SOX6: variants seen among roughly 807,000 people sequenced by gnomAD.
The protein encoded by SOX6 is SRY-box transcription factor 6, also known as transcription factor SOX-6.
In SOX6, 11 loss-of-function variants were observed where a neutral mutation model predicts 97.8. That is an observed-to-expected ratio of 0.11 (90% CI 0.07 to 0.19). The LOEUF (loss-of-function observed/expected upper bound fraction) is 0.19. Among genes scored for constraint, SOX6 ranks in the 10% least tolerant of loss-of-function variants. The pLI, the probability that SOX6 is intolerant of heterozygous loss-of-function variation, is 1.00. For synonymous variants in SOX6, 360 were observed against 371.4 expected, an observed-to-expected ratio of 0.97 and a Z score of 0.35; for missense variants, 810 against 1,039.5, an observed-to-expected ratio of 0.78 and a Z score of 3.04.
At chr11:16,340,521 T>C (rs571929615) in intron 2 of SOX6, among the ~76,000 whole-genome samples, 14 of 152,186 alleles carry the variant, frequency 9.2e-5, no homozygotes, top group African/African-American at 2.9e-4. Flanking sequence ...AATTAATATA[T>C]AAGCACATAA....
At chr11:16,442,976 A>C (rs1349796331) in intron 1 of SOX6, among the ~76,000 whole-genome samples, 1 of 152,108 alleles carries the variant, frequency 6.6e-6, no homozygotes, top group Non-Finnish European at 1.5e-5. Context: ...TTTTCAGCCC[A>C]ATCCTTTCCC....
chr11:16,538,329 T>C (rs1447512048), intron 4 of SOX6, among the ~76,000 whole-genome samples: 1 of 152,182 alleles, frequency 6.6e-6, no homozygotes, highest in African/African-American at 2.4e-5. Flanking sequence ...AAGGAAGCAC[T>C]AAACATGGAA....
intron 6 of SOX6, among the ~76,000 whole-genome samples, chr11:16,139,250 T>C (rs577054678): frequency 3.3e-5 from 5 of 152,306 alleles, no homozygotes; most frequent in African/African-American, 1.2e-4. Context: ...TTTGAGACTA[T>C]GTGAATGTAT....
intron 1 of SOX6, chr11:16,434,098 T>C (rs900791781): frequency 6.6e-6 from 1 of 152,078 alleles, no homozygotes; most frequent in Non-Finnish European, 1.5e-5. Flanking sequence ...ATTATAAATA[T>C]TAATTATATT....
chr11:16,341,200 C>G lies in SOX6; in HGVS notation c.49G>C (p.Glu17Gln), dbSNP rs1318938500. ...TSPFACAADG[E>Q]DAMTQDLTSR... ...GTTAAATCCTGGGTCATTGCATCCTCTCCATCAGCTGCACAGGCAAATGGA... is the reference window on the plus strand; with the variant it reads ...GTTAAATCCTGGGTCATTGCATCCTGTCCATCAGCTGCACAGGCAAATGGA... The change falls in exon 2 of 16, where the codon GAG becomes CAG. Residue 17 changes from glutamate (E) to glutamine (Q), a missense_variant. Transcript: ENST00000683767. 2 of 1,613,348 alleles carry G rather than the reference C, an allele frequency of 1.2e-6. No homozygotes were observed. Among genetic ancestry groups the G allele is most frequent in the African/African-American group, 2.7e-5 (2 of 74,854 alleles).
chr11:16,438,304 T>A (rs1016564249), intron 1 of SOX6, among the ~76,000 whole-genome samples: 2 of 152,136 alleles, frequency 1.3e-5, no homozygotes, highest in African/African-American at 4.8e-5. Flanking sequence ...AAGAGATTTT[T>A]AAAAATTAAA....
chr11:16,088,559 T>G (rs1399258516), intron 9 of SOX6, among the ~76,000 whole-genome samples: 1 of 152,206 alleles, frequency 6.6e-6, no homozygotes, highest in Non-Finnish European at 1.5e-5. Context: ...TCATGTAGTA[T>G]GCTGCCTTTT....
intron 4 of SOX6, among the ~76,000 whole-genome samples, chr11:16,553,800 C>T (rs1169713651): frequency 2.6e-5 from 4 of 152,072 alleles, no homozygotes; most frequent in Admixed American, 2.0e-4. Context: ...TGAGTTTCAT[C>T]ACTGAATTAT....
chr11:16,281,142 C>T (rs779119959), intron 3 of SOX6, among the ~76,000 whole-genome samples: 1 of 152,020 alleles, frequency 6.6e-6, no homozygotes. Flanking sequence ...TTCCAAGTAT[C>T]AGAAGTAAAG....
At chr11:16,713,703 C>G (rs1340863803) in intron 3 of SOX6, among the ~76,000 whole-genome samples, 2 of 152,122 alleles carry the variant, frequency 1.3e-5, no homozygotes, top group Non-Finnish European at 2.9e-5. Context: ...TGCCTACTTT[C>G]AGAATTCAGT....
rs369031240 is a variant in SOX6 at position 16,234,567 on chromosome 11, T to C, written c.535+15A>G. 7 of 1,427,466 alleles carry C rather than the reference T, an allele frequency of 4.9e-6. No individual in the cohort carries two copies. The African/African-American group carries it at 8.4e-5, about 17-fold the overall frequency. The allele number at this position is 1,427,466 out of a possible 1,614,324, so 88.4% of individuals were successfully genotyped here. A position where few individuals can be genotyped will look rare whatever the true frequency, so the allele number is the denominator to read the frequency against. Reference sequence around the variant, plus strand: ...CATCACTGCATTGACATGTTCGATATATTTTATGTTGTACCTTTAATTTCT... The same window carrying C: ...CATCACTGCATTGACATGTTCGATACATTTTATGTTGTACCTTTAATTTCT... On this transcript the variant is annotated intron_variant, in intron 4 of 15. Transcript: ENST00000683767.
rs1361065336 is a variant in SOX6, at chr11:16,560,544, T to C, written n.609+51537A>G. 1.8e-3 allele frequency among the ~76,000 whole-genome samples: 157 copies of C among 85,502 alleles called. 43 individuals carry two copies. The highest frequency in any genetic ancestry group is 4.7e-3 in the South Asian group (10 of 2,118). The allele number at this position is 85,502 out of a possible 152,430, so 56.1% of individuals were successfully genotyped here. On this transcript the variant is annotated intron_variant and non_coding_transcript_variant, in intron 4 of 5. Transcript: ENST00000524520. ...TTATACGTACATATATGTTTATACG[T>C]ACATATGTTTATACGTACATATATG...
At chr11:16,172,732 A>G (rs1316403738) in intron 6 of SOX6, among the ~76,000 whole-genome samples, 1 of 152,032 alleles carries the variant, frequency 6.6e-6, no homozygotes, top group Non-Finnish European at 1.5e-5. Context: ...ATCCTGAACA[A>G]TAATCCTTCT....
intron 1 of SOX6, among the ~76,000 whole-genome samples, chr11:16,434,703 ATAAG>A (rs1406170541): frequency 2.0e-5 from 3 of 152,284 alleles, no homozygotes; most frequent in African/African-American, 7.2e-5. Context: ...TACGTTGTTC[ATAAG>A]TAAGTGCTCA....
intron 3 of SOX6, among the ~76,000 whole-genome samples, chr11:16,700,945 T>C (rs1423436541): frequency 6.6e-6 from 1 of 152,192 alleles, no homozygotes; most frequent in Non-Finnish European, 1.5e-5. Context: ...TATCAATCCC[T>C]AGGTCCTAGT....
chr11:16,015,627 T>C (rs1022487837), intron 12 of SOX6, among the ~76,000 whole-genome samples: 6 of 152,018 alleles, frequency 3.9e-5, no homozygotes, highest in African/African-American at 1.4e-4. Flanking sequence ...TAGCCAGCCA[T>C]GGAGCCAGGA....
At chr11:16,197,113 C>A (rs939802530) in intron 4 of SOX6, among the ~76,000 whole-genome samples, 1 of 152,050 alleles carries the variant, frequency 6.6e-6, no homozygotes, top group East Asian at 1.9e-4. Flanking sequence ...GGATTACAGG[C>A]GGGAGCCACC....
At chr11:16,368,551 T>A (rs1186467887) in intron 1 of SOX6, among the ~76,000 whole-genome samples, 1 of 152,142 alleles carries the variant, frequency 6.6e-6, no homozygotes, top group Non-Finnish European at 1.5e-5. Context: ...AAACTGTATA[T>A]CTACCTATTT....
intron 3 of SOX6, among the ~76,000 whole-genome samples, chr11:16,302,652 C>A (rs1327870856): frequency 6.7e-6 from 1 of 148,336 alleles, no homozygotes; most frequent in South Asian, 2.1e-4. Flanking sequence ...TCACTGCAAC[C>A]TTCGCTTGCT....
Sources: allele counts gnomAD v4.1 joint callset (sites outside exome capture counted in the v4.1 genomes callset), GRCh38; gene constraint gnomAD v4.1.1; transcripts MANE v1.5; gene names NCBI Gene and HGNC (gene_info 2026-07-23, HGNC 2026-07-21).